SI: variants seen among roughly 807,000 people sequenced by gnomAD.
SI encodes the protein sucrase-isomaltase, intestinal.
In SI, 235 loss-of-function variants were observed where a neutral mutation model predicts 253.3. That is an observed-to-expected ratio of 0.93 (90% CI 0.83 to 1.03). SI has a LOEUF of 1.03. Ranked by LOEUF, SI falls within the 50% of genes least tolerant of loss-of-function variation. The pLI is 0.00. For synonymous variants in SI, 819 were observed against 712.0 expected, an observed-to-expected ratio of 1.15 and a Z score of -2.39; for missense variants, 2,442 against 2,211.1, an observed-to-expected ratio of 1.10 and a Z score of -2.09.
At chr3:165,057,559 A>G (rs558590733) in intron 12 of SI, among the ~76,000 whole-genome samples, 1 of 152,182 alleles carries the variant, frequency 6.6e-6, no homozygotes, top group African/African-American at 2.4e-5. Flanking sequence ...CCAAAGGTCA[A>G]GGATAAAGAA....
chr3:164,998,479 G>A (rs1369239896), intron 38 of SI, 61 bp downstream of exon 38: 13 of 1,555,676 alleles, frequency 8.4e-6, no homozygotes, highest in Admixed American at 3.4e-5. Flanking sequence ...CCTAGCACCA[G>A]CAAAAGTGAG....
chr3:165,067,416 CA>C lies in SI; in HGVS notation c.558del (p.Asp187IlefsTer6). Reference protein sequence around the residue: ...YVKEFTGPTVSDTLYDVKVAQ... With the variant: ...YVKEFTGPTVXDTLYDVKVAQ... ...GCAACCTTCACATCATACAACGTATCAGAAACTGTGGGTCCAGTAAACTCTT... is the reference window on the plus strand; with the variant it reads ...GCAACCTTCACATCATACAACGTATCGAAACTGTGGGTCCAGTAAACTCTT... On this transcript the variant is annotated frameshift_variant, in exon 6 of 48. Coordinates refer to ENST00000264382, the MANE Select transcript of SI (RefSeq NM_001041.4). LOFTEE classifies it high-confidence loss of function. 1.2e-6 allele frequency: 2 copies of C among 1,612,196 alleles called. No individual in the cohort carries two copies. The highest frequency in any genetic ancestry group is 2.7e-5 in the African/African-American group (2 of 74,966).
At chr3:165,017,034 A>C (rs2108173962) in intron 31 of SI, among the ~76,000 whole-genome samples, 1 of 152,070 alleles carries the variant, frequency 6.6e-6, no homozygotes, top group South Asian at 2.1e-4. Context: ...ATTTTGATAA[A>C]AAATGAGGAA....
At chr3:165,043,753 AG>A (rs1233222255) in intron 16 of SI, among the ~76,000 whole-genome samples, 1 of 152,036 alleles carries the variant, frequency 6.6e-6, no homozygotes, top group Non-Finnish European at 1.5e-5. Context: ...TTTCTGTGTA[AG>A]TATATATGTA....
intron 23 of SI, 116 bp from the exon 24 acceptor site, chr3:165,032,808 C>T: frequency 1.6e-6 from 1 of 625,830 alleles, no homozygotes. Flanking sequence ...TTCCCACCAG[C>T]TCTCCTCATC....
At chr3:164,997,233 C>T (rs1445836733) in intron 38 of SI, among the ~76,000 whole-genome samples, 2 of 151,578 alleles carry the variant, frequency 1.3e-5, no homozygotes, top group African/African-American at 2.4e-5. Context: ...CTATAAAATA[C>T]AATGAATATG....
intron 28 of SI, among the ~76,000 whole-genome samples, chr3:165,018,469 A>G (rs564861104): frequency 6.6e-6 from 1 of 150,912 alleles, no homozygotes; most frequent in South Asian, 2.1e-4. Context: ...TCCATAGTAA[A>G]ATGTCCTAGA....
At chr3:165,052,432 G>T (rs1161659849) in intron 13 of SI, among the ~76,000 whole-genome samples, 1 of 152,042 alleles carries the variant, frequency 6.6e-6, no homozygotes, top group Admixed American at 6.6e-5. Flanking sequence ...AAGGCGGGTG[G>T]ATCATTTGAG....
At chr3:165,016,842 T>G (rs1055530778) in intron 31 of SI, among the ~76,000 whole-genome samples, 1 of 151,926 alleles carries the variant, frequency 6.6e-6, no homozygotes, top group Non-Finnish European at 1.5e-5. Context: ...TGTTTCTGTA[T>G]TGTCAACATA....
At chr3:165,050,566 G>A (rs928527997) in intron 13 of SI, among the ~76,000 whole-genome samples, 1 of 152,036 alleles carries the variant, frequency 6.6e-6, no homozygotes, top group Non-Finnish European at 1.5e-5. Context: ...ACCCAGTTAA[G>A]TCTTTGCACT....
At chr3:165,064,993 G>A (rs376716795) in intron 7 of SI, among the ~76,000 whole-genome samples, 1 of 151,790 alleles carries the variant, frequency 6.6e-6, no homozygotes, top group South Asian at 2.1e-4. Flanking sequence ...GAGTGAAAAA[G>A]GAATAATAAA....
chr3:165,026,928 C>T (rs1370705868), intron 25 of SI, among the ~76,000 whole-genome samples: 1 of 151,134 alleles, frequency 6.6e-6, no homozygotes, highest in African/African-American at 2.4e-5. Flanking sequence ...GAAACAAGAA[C>T]AAATCAAACC....
rs1486872046 is a variant in SI, at chr3:165,077,721, C to A, written c.-1+712G>T. 2.6e-5 allele frequency among the ~76,000 whole-genome samples: 4 copies of A among 151,586 alleles called. No individual in the cohort carries two copies. In the Admixed American group the frequency reaches 2.6e-4, roughly 10 times the overall value. On this transcript the variant is annotated intron_variant, in intron 1 of 47. Coordinates refer to ENST00000264382, the MANE Select transcript of SI (RefSeq NM_001041.4). Reference sequence around the variant, plus strand: ...GTGTAAATCTCATTTGAAGTGATAACCTACTTTGCTACCAAGAAGTCAATA... The same window carrying A: ...GTGTAAATCTCATTTGAAGTGATAAACTACTTTGCTACCAAGAAGTCAATA...
chr3:165,067,576 A>T (rs911679642), intron 5 of SI, 85 bp from the exon 6 acceptor site: 2 of 1,183,238 alleles, frequency 1.7e-6, no homozygotes. Flanking sequence ...TGCAAGTTCC[A>T]AATAAAAAAT....
chr3:165,042,340 A>G (rs1712880051), intron 17 of SI, among the ~76,000 whole-genome samples: 1 of 152,036 alleles, frequency 6.6e-6, no homozygotes, highest in African/African-American at 2.4e-5. Flanking sequence ...CAAACACAAT[A>G]TAAGCCCTGT....
chr3:165,039,632 G>T (rs1712712154), intron 19 of SI, among the ~76,000 whole-genome samples: 1 of 147,910 alleles, frequency 6.8e-6, no homozygotes, highest in South Asian at 2.1e-4. Context: ...TGATAATACA[G>T]TTTTTTTTTT....
Position 165,059,317 on chromosome 3 carries a change from G to A in SI, c.1147-18C>T, listed in dbSNP as rs1434805603. 1 of 1,609,446 alleles carries A rather than the reference G, an allele frequency of 6.2e-7. No individual in the cohort carries two copies. Among genetic ancestry groups the A allele is most frequent in the South Asian group, 1.1e-5 (1 of 91,002 alleles). ...TGTGTATCCTGAAAGTTAGAAGATTGTATTTCAATACATAGTACTGAAAGA... is the reference window on the plus strand; with the variant it reads ...TGTGTATCCTGAAAGTTAGAAGATTATATTTCAATACATAGTACTGAAAGA... On this transcript the variant is annotated intron_variant, in intron 10 of 47. Transcript: ENST00000264382.
intron 24 of SI, among the ~76,000 whole-genome samples, chr3:165,031,293 G>A (rs1398703361): frequency 6.7e-6 from 1 of 148,710 alleles, no homozygotes; most frequent in Non-Finnish European, 1.5e-5. Context: ...TTCATATAAA[G>A]ATCAATCTAT....
intron 34 of SI, among the ~76,000 whole-genome samples, chr3:165,010,819 G>A (rs978451104): frequency 3.9e-5 from 6 of 152,104 alleles, no homozygotes; most frequent in African/African-American, 7.2e-5. Flanking sequence ...GCCATTCTAC[G>A]TAAATTGACA....
Sources: gnomAD v4.1 joint callset for allele counts (sites outside exome capture counted in the v4.1 genomes callset) on GRCh38, gnomAD v4.1.1 for gene constraint, MANE v1.5 for transcripts, NCBI Gene and HGNC (gene_info 2026-07-23, HGNC 2026-07-21) for gene names.